The following TRERF1 variants were observed in gnomAD, a reference collection of about 807,000 sequenced individuals.
The protein encoded by TRERF1 is transcriptional regulating factor 1.
In TRERF1, 27 loss-of-function variants were observed where a neutral mutation model predicts 122.9. That is an observed-to-expected ratio of 0.22 (90% CI 0.16 to 0.30). The LOEUF (loss-of-function observed/expected upper bound fraction) is 0.30, where lower values mean the gene tolerates loss of function less well. Among genes scored for constraint, TRERF1 ranks in the 10% least tolerant of loss-of-function variants. The pLI, the probability that TRERF1 is intolerant of heterozygous loss-of-function variation, is 1.00. For synonymous variants in TRERF1, 636 were observed against 641.7 expected, an observed-to-expected ratio of 0.99 and a Z score of 0.13; for missense variants, 1,248 against 1,560.3, an observed-to-expected ratio of 0.80 and a Z score of 3.37.
chr6:42,320,118 C>T (rs140547077), intron 3 of TRERF1, among the ~76,000 whole-genome samples: 2,202 of 152,006 alleles, frequency 0.014, 34 homozygotes, highest in Middle Eastern at 0.027. Context: ...CCAGGCTGGC[C>T]TCGAACTCCT....
chr6:42,317,519 T>A (rs953347581), intron 3 of TRERF1, among the ~76,000 whole-genome samples: 1 of 151,994 alleles, frequency 6.6e-6, no homozygotes, highest in African/African-American at 2.4e-5. Flanking sequence ...TATCCCCGGC[T>A]AATTAAAAAA....
At chr6:42,296,906 T>C (rs992559057) in intron 4 of TRERF1, among the ~76,000 whole-genome samples, 1 of 152,086 alleles carries the variant, frequency 6.6e-6, no homozygotes, top group African/African-American at 2.4e-5. Context: ...AGCCACAAAA[T>C]ATGGAGAAGC....
At chr6:42,343,186 C>T (rs1767617710) in intron 3 of TRERF1, among the ~76,000 whole-genome samples, 1 of 152,184 alleles carries the variant, frequency 6.6e-6, no homozygotes, top group African/African-American at 2.4e-5. Context: ...GAGAAACCCA[C>T]AAGATGGTAA....
Position 42,445,369 on chromosome 6 carries a change from C to G in TRERF1, c.-454+5808G>C, listed in dbSNP as rs1029537178. Among the ~76,000 whole-genome samples, 27 of 151,552 alleles carry G rather than the reference C, an allele frequency of 1.8e-4. No homozygotes were observed. The East Asian group carries it at 4.2e-3, about 24-fold the overall frequency. On this transcript the variant is annotated intron_variant, in intron 2 of 17. Transcript: ENST00000372922. ...ACACACACAGACACACACACACACACACACACACACACACACACACAGCAC... is the reference window on the plus strand; with the variant it reads ...ACACACACAGACACACACACACACAGACACACACACACACACACACAGCAC...
intron 8 of TRERF1, among the ~76,000 whole-genome samples, chr6:42,262,436 G>C (rs1778184848): frequency 1.3e-4 from 1 of 7,520 alleles, no homozygotes; most frequent in Non-Finnish European, 2.5e-4. Context: ...CCTAGGGGCA[G>C]AGAGAGAGAG....
intron 3 of TRERF1, among the ~76,000 whole-genome samples, chr6:42,314,048 T>C (rs934949707): frequency 6.8e-6 from 1 of 146,818 alleles, no homozygotes; most frequent in South Asian, 2.2e-4. Context: ...CCCTAAAGGG[T>C]TTTTTTTTTG....
At chr6:42,345,522 C>T (rs145806623) in intron 3 of TRERF1, among the ~76,000 whole-genome samples, 1 of 152,292 alleles carries the variant, frequency 6.6e-6, no homozygotes, top group African/African-American at 2.4e-5. Context: ...CTTCAGAACT[C>T]CTCCAAAAAA....
chr6:42,272,139 T>G (rs1279469273), intron 4 of TRERF1, among the ~76,000 whole-genome samples: 1 of 152,250 alleles, frequency 6.6e-6, no homozygotes, highest in Non-Finnish European at 1.5e-5. Flanking sequence ...AATGTGTGTG[T>G]AAACTTAAAA....
At chr6:42,450,794 C>A (rs561010296) in intron 2 of TRERF1, among the ~76,000 whole-genome samples, 112 of 152,232 alleles carry the variant, frequency 7.4e-4, no homozygotes, top group Non-Finnish European at 1.4e-3. Flanking sequence ...CCAGCCCCCA[C>A]AGAGCCCGCA....
chr6:42,356,947 T>A (rs1037831512), intron 3 of TRERF1, among the ~76,000 whole-genome samples: 3 of 152,162 alleles, frequency 2.0e-5, no homozygotes, highest in Non-Finnish European at 4.4e-5. Context: ...AAGAATGTTG[T>A]GGTAATGTCT....
At chr6:42,368,538 C>T (rs1562076911) in intron 2 of TRERF1, among the ~76,000 whole-genome samples, 1 of 152,170 alleles carries the variant, frequency 6.6e-6, no homozygotes, top group Non-Finnish European at 1.5e-5. Flanking sequence ...TAAAGCTTCC[C>T]CAAACTGGAC....
intron 3 of TRERF1, among the ~76,000 whole-genome samples, chr6:42,310,975 A>G (rs1436580558): frequency 5.9e-5 from 9 of 152,362 alleles, no homozygotes; most frequent in Admixed American, 4.6e-4. Context: ...TTCTGCATGT[A>G]AACCACAATC....
In TRERF1 at chr6:42,268,360, A is replaced by C; in HGVS notation, c.1231T>G (p.Ser411Ala). The C allele has an allele frequency of 1.3e-6, 2 of 1,525,638 alleles. No homozygotes were observed. Among genetic ancestry groups the C allele is most frequent in the Non-Finnish European group, 1.8e-6 (2 of 1,138,644 alleles). The allele number at this position is 1,525,638 out of a possible 1,614,324, so 94.5% of individuals were successfully genotyped here. Reference sequence around the variant, plus strand: ...ATGGCCTGGGCCTGTCTGTCACTAGAGTAGGTCTTCAGCTGACTGTCCTCA... The same window carrying C: ...ATGGCCTGGGCCTGTCTGTCACTAGCGTAGGTCTTCAGCTGACTGTCCTCA... Residue 411 changes from serine to alanine, a missense_variant, in exon 5 of 18, where the codon TCT becomes GCT. By Grantham distance (99) the Ser-to-Ala change is moderately conservative (BLOSUM62 1). This residue lies in a region of TRERF1 where 946 missense variants were observed against 1,073.0 expected (regional missense o/e 0.88). Transcript: ENST00000372922. This position sits in a 1 kb window ranked among gnomAD's most constrained non-coding sequence, Gnocchi z 4.4.
In TRERF1 at chr6:42,268,123, G is replaced by T. The variant is rs957073543; in HGVS notation, c.1437+31C>A. ...CAGCCCTGACCCTGTAGCACACTGGGTATTGAGAGAAACTTCCAATGGGAG... is the reference window on the plus strand; with the variant it reads ...CAGCCCTGACCCTGTAGCACACTGGTTATTGAGAGAAACTTCCAATGGGAG... On this transcript the variant is annotated intron_variant, in intron 5 of 17. Transcript: ENST00000372922. This position sits in a 1 kb window ranked among gnomAD's most constrained non-coding sequence, Gnocchi z 4.4. 1 of 1,438,784 alleles carries T rather than the reference G, an allele frequency of 7.0e-7. No homozygotes were observed. The highest frequency in any genetic ancestry group is 9.1e-7 in the Non-Finnish European group (1 of 1,094,314). The allele number at this position is 1,438,784 out of a possible 1,614,324, so 89.1% of individuals were successfully genotyped here.
At chr6:42,413,814 C>A (rs1326245714) in intron 2 of TRERF1, among the ~76,000 whole-genome samples, 2 of 151,388 alleles carry the variant, frequency 1.3e-5, no homozygotes, top group Non-Finnish European at 2.9e-5. Context: ...CTTGCGTTGG[C>A]CAAAATTTAC....
intron 3 of TRERF1, among the ~76,000 whole-genome samples, chr6:42,315,710 C>T (rs1304154782): frequency 6.7e-6 from 1 of 149,204 alleles, no homozygotes; most frequent in Non-Finnish European, 1.5e-5. Flanking sequence ...AACACCACCC[C>T]CCCCCCCACC....
chr6:42,295,619 C>T (rs1561932115), intron 4 of TRERF1, among the ~76,000 whole-genome samples: 1 of 152,170 alleles, frequency 6.6e-6, no homozygotes, highest in African/African-American at 2.4e-5. Context: ...TCCAGGAAGC[C>T]CTCCCTGACC....
At chr6:42,354,976 T>C (rs1770221804) in intron 3 of TRERF1, among the ~76,000 whole-genome samples, 1 of 152,208 alleles carries the variant, frequency 6.6e-6, no homozygotes, top group Non-Finnish European at 1.5e-5. Flanking sequence ...AAATCCTTAG[T>C]TTCAAGCTCA....
At position 42,275,436 on chromosome 6, in the gene TRERF1, C is replaced by T. The variant is rs1780986785; in HGVS notation, c.-258-5588G>A. Among the ~76,000 whole-genome samples the T allele has an allele frequency of 6.6e-6, 1 of 152,238 alleles. No individual in the cohort carries two copies. Among genetic ancestry groups the T allele is most frequent in the Non-Finnish European group, 1.5e-5 (1 of 68,044 alleles). On this transcript the variant is annotated intron_variant, in intron 4 of 17. Transcript: ENST00000372922. The surrounding 1 kb of genome is among the most constrained non-coding windows in gnomAD (Gnocchi z 4.1). Reference sequence around the variant, plus strand: ...AACCTAAGGTGCCACTCCACGCTCCCACAGAGCCTGTGACCGCTTTTCCTC... The same window carrying T: ...AACCTAAGGTGCCACTCCACGCTCCTACAGAGCCTGTGACCGCTTTTCCTC...
Sources: allele counts gnomAD v4.1 joint callset (sites outside exome capture counted in the v4.1 genomes callset), GRCh38; gene constraint gnomAD v4.1.1; regional missense constraint gnomAD v4.1.1; non-coding constraint Gnocchi (gnomAD v3.1); transcripts MANE v1.5; gene names NCBI Gene and HGNC (gene_info 2026-07-23, HGNC 2026-07-21).